Variants in AJAP1 observed in about 807,000 individuals in gnomAD.
AJAP1 encodes the protein adherens junctions associated protein 1.
A neutral mutation model predicts 35.0 loss-of-function variants in AJAP1; 5 were observed. The ratio of observed to expected loss-of-function variants is 0.14; its 90% CI spans 0.07 to 0.30. The LOEUF (loss-of-function observed/expected upper bound fraction) is 0.30. Ranked by LOEUF, AJAP1 falls within the 10% of genes least tolerant of loss-of-function variation. The pLI is 1.00. For synonymous variants in AJAP1, 284 were observed against 249.3 expected (o/e 1.14, Z -1.31); for missense variants, 586 against 571.0 (o/e 1.03, Z -0.27).
In AJAP1 at chr1:4,734,714, T is replaced by C. The variant is rs994900075; in HGVS notation, c.829+22015T>C. Among the ~76,000 whole-genome samples the C allele has an allele frequency of 2.0e-5, 3 of 152,108 alleles. No homozygotes were observed. Among genetic ancestry groups the C allele is most frequent in the African/African-American group, 7.2e-5 (3 of 41,416 alleles). On this transcript the variant is annotated intron_variant, in intron 2 of 5. Transcript: ENST00000378191. This position sits in a 1 kb window ranked among gnomAD's most constrained non-coding sequence, Gnocchi z 4.3. Reference sequence around the variant, plus strand: ...GGGCGATGCTGAATATGATGCATGATCTGTCTTTCGGGTGTTCTTGGAAGG... The same window carrying C: ...GGGCGATGCTGAATATGATGCATGACCTGTCTTTCGGGTGTTCTTGGAAGG...
chr1:4,678,306 G>GT (rs1639404649), intron 1 of AJAP1, among the ~76,000 whole-genome samples: 1 of 152,178 alleles, frequency 6.6e-6, no homozygotes, highest in Non-Finnish European at 1.5e-5. Context: ...CTATCTATTG[G>GT]TTACATACTG....
At chr1:4,772,876 C>T (rs1389020660) in intron 4 of AJAP1, among the ~76,000 whole-genome samples, 2 of 152,146 alleles carry the variant, frequency 1.3e-5, no homozygotes, top group Non-Finnish European at 1.5e-5. Context: ...TCCTAAATAT[C>T]AACAGATCAC....
At chr1:4,752,742 C>T (rs555760421) in intron 2 of AJAP1, among the ~76,000 whole-genome samples, 1 of 152,280 alleles carries the variant, frequency 6.6e-6, no homozygotes, top group East Asian at 1.9e-4. Context: ...CCCCATGCTC[C>T]AGTAACCCTA....
intron 2 of AJAP1, among the ~76,000 whole-genome samples, chr1:4,743,023 C>T (rs1303919557): frequency 1.3e-5 from 2 of 152,210 alleles, no homozygotes; most frequent in Admixed American, 1.3e-4. Context: ...CTCAGGTCCC[C>T]TGTCCCCGTC....
Position 4,787,723 on chromosome 1 carries a change from G to C in AJAP1, c.*5238G>C. The C allele has an allele frequency of 2.2e-6, 1 of 456,194 alleles. No individual in the cohort carries two copies. The highest frequency in any genetic ancestry group is 4.4e-6 in the Non-Finnish European group (1 of 226,944). The allele number at this position is 456,194 out of a possible 1,614,324, so 28.3% of individuals were successfully genotyped here. A position where few individuals can be genotyped will look rare whatever the true frequency, so the allele number is the denominator to read the frequency against. Reference sequence around the variant, plus strand: ...ATCTGTCAGGTTGCCAGGCCAAGCAGGTCTCAGGTCAGCCAGGTCTCAAGG... The same window carrying C: ...ATCTGTCAGGTTGCCAGGCCAAGCACGTCTCAGGTCAGCCAGGTCTCAAGG... On this transcript the variant is annotated 3_prime_UTR_variant, in exon 6 of 6. Coordinates refer to ENST00000378191, the MANE Select transcript of AJAP1 (RefSeq NM_018836.4).
Position 4,712,488 on chromosome 1 carries a change from C to T in AJAP1, c.618C>T (p.Val206=). The part of the protein sequence containing the change: ...TFPGVYGPTT[V]SILQTRKTTV... ...CGGGCGTTTACGGCCCCACCACGGT[C>T]TCCATCCTACAAACACGGAAGACAA... The change falls in exon 2 of 6, where the codon GTC becomes GTT. Residue 206 remains valine, a synonymous_variant. Transcript: ENST00000378191. 1 of 1,612,760 alleles carries T rather than the reference C, an allele frequency of 6.2e-7. No homozygotes were observed. Among genetic ancestry groups the T allele is most frequent in the Non-Finnish European group, 8.5e-7 (1 of 1,179,588 alleles).
chr1:4,665,825 A>T (rs948051734), intron 1 of AJAP1, among the ~76,000 whole-genome samples: 11 of 152,204 alleles, frequency 7.2e-5, no homozygotes, highest in Non-Finnish European at 1.3e-4. Flanking sequence ...TCCTACAGGA[A>T]CTCCAAGTGG....
chr1:4,740,552 G>A (rs1487692187), intron 2 of AJAP1, among the ~76,000 whole-genome samples: 1 of 151,992 alleles, frequency 6.6e-6, no homozygotes, highest in Non-Finnish European at 1.5e-5. Flanking sequence ...TTGGGAGGCC[G>A]AGGCGGGCAG....
At chr1:4,730,898 C>T (rs1232582454) in intron 2 of AJAP1, among the ~76,000 whole-genome samples, 1 of 152,174 alleles carries the variant, frequency 6.6e-6, no homozygotes. Flanking sequence ...TGCCTGCAGC[C>T]CTTCTTTCCC....
intron 2 of AJAP1, among the ~76,000 whole-genome samples, chr1:4,745,183 C>T (rs1008556762): frequency 1.3e-5 from 2 of 152,206 alleles, no homozygotes; most frequent in South Asian, 2.1e-4. Flanking sequence ...AACAAATGGA[C>T]GTCAGAGACA....
chr1:4,674,991 G>A (rs1370283528), intron 1 of AJAP1, among the ~76,000 whole-genome samples: 9 of 152,182 alleles, frequency 5.9e-5, no homozygotes, highest in South Asian at 2.1e-4. Flanking sequence ...CTGAACCGTC[G>A]TCCTGCAGGC....
At chr1:4,763,038 C>T (rs1419029792) in intron 2 of AJAP1, among the ~76,000 whole-genome samples, 1 of 152,142 alleles carries the variant, frequency 6.6e-6, no homozygotes, top group African/African-American at 2.4e-5. Context: ...GGGATGGGCT[C>T]ACACCTCACC....
At chr1:4,756,532 G>C (rs1641436644) in intron 2 of AJAP1, among the ~76,000 whole-genome samples, 1 of 152,196 alleles carries the variant, frequency 6.6e-6, no homozygotes, top group South Asian at 2.1e-4. Flanking sequence ...GGAGGGTCTA[G>C]GGCAGAACAG....
intron 1 of AJAP1, among the ~76,000 whole-genome samples, chr1:4,670,346 A>G (rs1416456459): frequency 3.3e-5 from 5 of 152,156 alleles, no homozygotes; most frequent in African/African-American, 4.8e-5. Flanking sequence ...GATTAAAGCA[A>G]TTGCCCCGGG....
At chr1:4,685,211 A>C (rs1639577900) in intron 1 of AJAP1, among the ~76,000 whole-genome samples, 1 of 152,198 alleles carries the variant, frequency 6.6e-6, no homozygotes, top group Admixed American at 6.5e-5. Flanking sequence ...AAGTCCATAA[A>C]TCACGGAAAA....
At chr1:4,694,541 T>A (rs1419770813) in intron 1 of AJAP1, among the ~76,000 whole-genome samples, 3 of 152,132 alleles carry the variant, frequency 2.0e-5, no homozygotes, top group Admixed American at 2.0e-4. Flanking sequence ...AACTCCCGAG[T>A]GGTCCAGGCC....
chr1:4,760,816 C>G (rs1034252775), intron 2 of AJAP1, among the ~76,000 whole-genome samples: 1 of 152,218 alleles, frequency 6.6e-6, no homozygotes, highest in Non-Finnish European at 1.5e-5. Context: ...GGAGGGGGCC[C>G]GTGAGCAGAG....
chr1:4,785,565 C>T lies in AJAP1; in HGVS notation c.*3080C>T, dbSNP rs188169368. ...ACCAGAGCACAGACTTGTCCTACTTCGGGCCATATGTATAGGTAATGCCCA... is the reference window on the plus strand; with the variant it reads ...ACCAGAGCACAGACTTGTCCTACTTTGGGCCATATGTATAGGTAATGCCCA... On this transcript the variant is annotated 3_prime_UTR_variant, in exon 6 of 6. Transcript: ENST00000378191. 32 of 152,180 alleles carry T rather than the reference C, an allele frequency of 2.1e-4. No individual in the cohort carries two copies. The highest frequency in any genetic ancestry group is 3.4e-3 in the Middle Eastern group (1 of 294). 9.4% of individuals were successfully genotyped at this position (152,180 alleles called of 1,614,324 possible). A position where few individuals can be genotyped will look rare whatever the true frequency, so the allele number is the denominator to read the frequency against.
At chr1:4,716,563 A>G (rs1004473966) in intron 2 of AJAP1, among the ~76,000 whole-genome samples, 1 of 151,816 alleles carries the variant, frequency 6.6e-6, no homozygotes, top group East Asian at 1.9e-4. Flanking sequence ...GATGAGGATG[A>G]TGATGATGGA....
Sources: gnomAD v4.1 joint callset for allele counts (sites outside exome capture counted in the v4.1 genomes callset) on GRCh38, gnomAD v4.1.1 for gene constraint, Gnocchi (gnomAD v3.1) non-coding constraint, MANE v1.5 for transcripts, NCBI Gene and HGNC (gene_info 2026-07-23, HGNC 2026-07-21) for gene names.